The following KIAA0319L variants were observed in gnomAD, a reference collection of about 807,000 sequenced individuals.
KIAA0319L encodes dyslexia-associated protein KIAA0319-like protein.
Under a neutral mutation model 120.1 loss-of-function variants are expected in KIAA0319L, and 55 were observed. That is an observed-to-expected ratio of 0.46 (90% confidence interval 0.37 to 0.57). KIAA0319L has a LOEUF of 0.57. Ranked by LOEUF, KIAA0319L falls within the 20% of genes least tolerant of loss-of-function variation. KIAA0319L has a pLI of 0.00. For synonymous variants in KIAA0319L, 398 were observed against 471.9 expected (o/e 0.84, Z 2.03); for missense variants, 1,049 against 1,255.3 (o/e 0.84, Z 2.48).
intron 3 of KIAA0319L, among the ~76,000 whole-genome samples, chr1:35,485,385 T>C (rs1012456087): frequency 6.6e-6 from 1 of 152,090 alleles, no homozygotes; most frequent in African/African-American, 2.4e-5. Flanking sequence ...TGGGCAGGGG[T>C]TGCTCATAGA....
Position 35,433,580 on chromosome 1 carries a change from C to T in KIAA0319L, c.*1314G>A, listed in dbSNP as rs2149061969. On this transcript the variant is annotated 3_prime_UTR_variant, in exon 21 of 21. Coordinates refer to ENST00000325722, the MANE Select transcript of KIAA0319L (RefSeq NM_024874.5). ...GTGTCTCTTTAAAAAGTCACTCCCC[C>T]AAAGTTTCCATTCCCCAATACCCAG... 2.0e-5 allele frequency: 3 copies of T among 152,470 alleles called. No individual in the cohort carries two copies. The South Asian group carries it at 6.2e-4, about 32-fold the overall frequency. 9.4% of individuals were successfully genotyped at this position (152,470 alleles called of 1,614,324 possible). A position where few individuals can be genotyped will look rare whatever the true frequency, so the allele number is the denominator to read the frequency against.
intron 4 of KIAA0319L, 29 bp downstream of exon 4, chr1:35,478,937 C>G (rs1558415325): frequency 1.2e-6 from 2 of 1,602,736 alleles, no homozygotes; most frequent in Non-Finnish European, 1.7e-6. Context: ...CTACTTTTTC[C>G]TTCTATCTCC....
chr1:35,449,787 C>A (rs1168604451), intron 15 of KIAA0319L, 80 bp downstream of exon 15: 1 of 1,509,486 alleles, frequency 6.6e-7, no homozygotes. Flanking sequence ...TGTCCATGCT[C>A]GGGGAAGGGG....
At chr1:35,491,487 A>AT (rs1194688213) in intron 3 of KIAA0319L, among the ~76,000 whole-genome samples, 7 of 152,210 alleles carry the variant, frequency 4.6e-5, no homozygotes, top group Admixed American at 6.5e-5. Flanking sequence ...TGGAACAAAG[A>AT]TAAAAACTAG....
At chr1:35,456,899 G>A (rs1310360854) in intron 9 of KIAA0319L, among the ~76,000 whole-genome samples, 1 of 133,050 alleles carries the variant, frequency 7.5e-6, no homozygotes, top group Non-Finnish European at 1.6e-5. Context: ...AGGGAGGGAG[G>A]GAAAGAAGGA....
At chr1:35,436,113 C>T (rs1192336326) in intron 20 of KIAA0319L, among the ~76,000 whole-genome samples, 5 of 152,160 alleles carry the variant, frequency 3.3e-5, no homozygotes, top group South Asian at 2.1e-4. Context: ...CTCCCTTCTC[C>T]GGGGAGAAGG....
At chr1:35,458,584 A>C (rs894529194) in intron 9 of KIAA0319L, among the ~76,000 whole-genome samples, 2 of 152,106 alleles carry the variant, frequency 1.3e-5, no homozygotes, top group African/African-American at 4.8e-5. Context: ...AAAAGCTTAG[A>C]CTCTAGAGTT....
At position 35,554,007 on chromosome 1, in the gene KIAA0319L, T is replaced by C. The variant is rs180749687; in HGVS notation, c.142+343A>G. ...CTACATGCTTTAATTATACTATCCC[T>C]CAAATCAAACCATGAGGTAGATAAT... On this transcript the variant is annotated intron_variant, in intron 2 of 20. Coordinates refer to ENST00000325722, the MANE Select transcript of KIAA0319L (RefSeq NM_024874.5). Among the ~76,000 whole-genome samples the C allele has an allele frequency of 6.4e-4, 98 of 152,308 alleles. 2 individuals carry two copies. Among genetic ancestry groups the C allele is most frequent in the Admixed American group, 6.4e-3 (98 of 15,304 alleles).
At chr1:35,548,265 G>T (rs950206596) in intron 2 of KIAA0319L, among the ~76,000 whole-genome samples, 2 of 151,788 alleles carry the variant, frequency 1.3e-5, no homozygotes, top group Non-Finnish European at 2.9e-5. Context: ...CTTTCTCCTG[G>T]ACTATTTCAT....
intron 20 of KIAA0319L, among the ~76,000 whole-genome samples, chr1:35,436,546 G>A (rs1640805874): frequency 6.6e-6 from 1 of 152,178 alleles, no homozygotes; most frequent in South Asian, 2.1e-4. Context: ...ATACCCACCT[G>A]TTCACAGCTG....
At chr1:35,509,624 A>C (rs1645347000) in intron 2 of KIAA0319L, 1 of 152,266 alleles carries the variant, frequency 6.6e-6, no homozygotes, top group African/African-American at 2.4e-5. Flanking sequence ...CCCTTCTAAC[A>C]CCTTGATTTT....
At chr1:35,536,212 A>G (rs1017499091) in intron 2 of KIAA0319L, among the ~76,000 whole-genome samples, 23 of 152,248 alleles carry the variant, frequency 1.5e-4, no homozygotes, top group African/African-American at 5.5e-4. Flanking sequence ...AAAGAAACTG[A>G]AGAAAAGCAG....
chr1:35,504,536 T>C (rs570048672), intron 3 of KIAA0319L, among the ~76,000 whole-genome samples: 1 of 152,306 alleles, frequency 6.6e-6, no homozygotes, highest in Non-Finnish European at 1.5e-5. Flanking sequence ...ATACAGTATA[T>C]AATGCATATG....
chr1:35,484,048 T>A (rs1644273588), intron 3 of KIAA0319L, among the ~76,000 whole-genome samples: 1 of 152,204 alleles, frequency 6.6e-6, no homozygotes. Context: ...CCACCCTAAA[T>A]ACAGGATGAT....
chr1:35,553,556 T>C (rs994229537), intron 2 of KIAA0319L, among the ~76,000 whole-genome samples: 1 of 152,192 alleles, frequency 6.6e-6, no homozygotes, highest in African/African-American at 2.4e-5. Context: ...TTTGTAATTA[T>C]AAGGGAAAAA....
intron 15 of KIAA0319L, 72 bp from the exon 16 acceptor site, chr1:35,448,404 C>G (rs760706252): frequency 2.1e-6 from 3 of 1,408,268 alleles, no homozygotes; most frequent in Non-Finnish European, 3.0e-6. Context: ...TGTGCATTTG[C>G]TTTGGCACAG....
intron 5 of KIAA0319L, among the ~76,000 whole-genome samples, chr1:35,471,894 G>A (rs550229783): frequency 7.9e-5 from 12 of 152,256 alleles, no homozygotes; most frequent in Admixed American, 3.3e-4. Context: ...TGGGAGACAA[G>A]GTCTTCTTCC....
At chr1:35,534,858 CAAAAAAAAAAAA>C (rs779838672) in intron 2 of KIAA0319L, among the ~76,000 whole-genome samples, 1,874 of 42,682 alleles carry the variant, frequency 0.044, 38 homozygotes, top group Non-Finnish European at 0.075. Flanking sequence ...GACTCCGTCT[CAAAAAAAAAAAA>C]AAAAAAAAAA....
chr1:35,493,028 G>A (rs1160145231), intron 3 of KIAA0319L, among the ~76,000 whole-genome samples: 1 of 152,118 alleles, frequency 6.6e-6, no homozygotes, highest in African/African-American at 2.4e-5. Flanking sequence ...ACATTGTAGT[G>A]GAAGTTCTAG....
Sources: gnomAD v4.1 joint callset for allele counts (sites outside exome capture counted in the v4.1 genomes callset) on GRCh38, gnomAD v4.1.1 for gene constraint, MANE v1.5 for transcripts, NCBI Gene and HGNC (gene_info 2026-07-23, HGNC 2026-07-21) for gene names.